Variants in CFAP46 observed in about 807,000 individuals in gnomAD.
CFAP46 encodes cilia and flagella associated protein 46.
Under a neutral mutation model 325.7 loss-of-function variants are expected in CFAP46, and 245 were observed. That is an observed-to-expected ratio of 0.75 (90% CI 0.68 to 0.84). The LOEUF is 0.84. Among genes scored for constraint, CFAP46 ranks in the 40% least tolerant of loss-of-function variants. The probability of loss-of-function intolerance (pLI) is 0.00; values close to 1 mark genes in which losing one functional copy is unlikely to be tolerated. For synonymous variants in CFAP46, 1,523 were observed against 1,495.9 expected, an observed-to-expected ratio of 1.02 and a Z score of -0.42; for missense variants, 3,346 against 3,543.0, an observed-to-expected ratio of 0.94 and a Z score of 1.41.
At position 132,847,016 on chromosome 10, in the gene CFAP46, G is replaced by A. The variant is rs538870018; in HGVS notation, c.6183C>T (p.Val2061=). 37 of 1,610,830 alleles carry A rather than the reference G, an allele frequency of 2.3e-5. No individual in the cohort carries two copies. The highest frequency in any genetic ancestry group is 2.0e-4 in the Middle Eastern group (1 of 5,034). ...QVALGSGLLD[V]AAAASLEMVE... is the part of the protein sequence containing the mutation. Reference sequence around the variant, plus strand: ...CCATCTCCAGGCTGGCGGCTGCTGCGACATCCAGGAGGCCACTGCCAAGGG... The same window carrying A: ...CCATCTCCAGGCTGGCGGCTGCTGCAACATCCAGGAGGCCACTGCCAAGGG... The change falls in exon 43 of 58, where the codon GTC becomes GTT. Residue 2061 remains valine, a synonymous_variant. Transcript: ENST00000368586. This position sits in a 1 kb window ranked among gnomAD's most constrained non-coding sequence, Gnocchi z 5.2.
intron 9 of CFAP46, among the ~76,000 whole-genome samples, chr10:132,927,674 T>G (rs1347245636): frequency 1.3e-5 from 2 of 152,240 alleles, no homozygotes; most frequent in Non-Finnish European, 2.9e-5. Flanking sequence ...TAAAACTCTT[T>G]ATGTGGTCCC....
rs144962767 is a variant in CFAP46, at chr10:132,923,232, G to A, written c.1257-524C>T. ...GGGGTGCCCCGGACGCCCTGGCCTC[G>A]AGCAGCCATGTGGGGGTGCCCTGGA... On this transcript the variant is annotated intron_variant, in intron 11 of 57. Transcript: ENST00000368586. Among the ~76,000 whole-genome samples the A allele has an allele frequency of 5.7e-3, 816 of 142,104 alleles. 13 individuals carry two copies. Among genetic ancestry groups the A allele is most frequent in the African/African-American group, 0.013 (468 of 36,232 alleles). 93.2% of individuals were successfully genotyped at this position (142,104 alleles called of 152,430 possible).
chr10:132,906,410 G>A (rs1432797237), intron 22 of CFAP46, among the ~76,000 whole-genome samples: 2 of 152,260 alleles, frequency 1.3e-5, no homozygotes, highest in Non-Finnish European at 2.9e-5. Context: ...CTAGAGCCTG[G>A]GAACAGTAGT....
chr10:132,892,187 G>T, intron 25 of CFAP46, 146 bp downstream of exon 25: 1 of 678,934 alleles, frequency 1.5e-6, no homozygotes, highest in Non-Finnish European at 2.5e-6. Context: ...GCATGCATCA[G>T]ATGCTGAACA....
At chr10:132,853,073 G>A (rs1228811770) in intron 39 of CFAP46, among the ~76,000 whole-genome samples, 1 of 138,284 alleles carries the variant, frequency 7.2e-6, no homozygotes, top group African/African-American at 2.5e-5. Context: ...CCATAGGCCG[G>A]AACTCCCATG....
chr10:132,858,310 C>T (rs1205942607), intron 38 of CFAP46, among the ~76,000 whole-genome samples: 2 of 90,762 alleles, frequency 2.2e-5, no homozygotes, highest in Non-Finnish European at 2.2e-5. Flanking sequence ...GGGAGGTGGG[C>T]GGGGCCATGG....
At chr10:132,842,705 C>G (rs2082651946) in intron 44 of CFAP46, among the ~76,000 whole-genome samples, 1 of 152,188 alleles carries the variant, frequency 6.6e-6, no homozygotes, top group African/African-American at 2.4e-5. Flanking sequence ...TTATTTCTTA[C>G]AGTTCTGGAG....
chr10:132,810,789 A>G, intron 56 of CFAP46, 161 bp downstream of exon 56: 1 of 773,416 alleles, frequency 1.3e-6, no homozygotes, highest in Non-Finnish European at 2.2e-6. Flanking sequence ...CCCCATGCAC[A>G]GCCACACCTC....
In CFAP46 at chr10:132,892,742, G is replaced by A. The variant is rs542022988; in HGVS notation, c.3220-325C>T. Among the ~76,000 whole-genome samples, 4 of 152,274 alleles carry A rather than the reference G, an allele frequency of 2.6e-5. No homozygotes were observed. The South Asian group carries it at 8.3e-4, about 32-fold the overall frequency. On this transcript the variant is annotated intron_variant, in intron 24 of 57. Coordinates refer to ENST00000368586, the MANE Select transcript of CFAP46 (RefSeq NM_001200049.3). Reference sequence around the variant, plus strand: ...GTGCACGTTCAGCGCCGCTTGAATCGATGCTTCCGGATTACAACCGTCAAA... The same window carrying A: ...GTGCACGTTCAGCGCCGCTTGAATCAATGCTTCCGGATTACAACCGTCAAA...
rs1260774894 is a variant in CFAP46, at chr10:132,869,408, C to T, written c.4512-36G>A. On this transcript the variant is annotated intron_variant, in intron 32 of 57. Transcript: ENST00000368586. The surrounding 1 kb of genome is among the most constrained non-coding windows in gnomAD (Gnocchi z 6.2). ...TGTGGCCGAAAGAGTCAGTGTTGCA[C>T]GGGCGCAGAGGGAGCCAGAAACGAA... The T allele has an allele frequency of 2.9e-5, 43 of 1,473,914 alleles. No individual in the cohort carries two copies. The Admixed American group carries it at 3.9e-4, about 13-fold the overall frequency. 91.3% of individuals were successfully genotyped at this position (1,473,914 alleles called of 1,614,324 possible).
At chr10:132,833,137 G>C (rs574547450) in intron 50 of CFAP46, among the ~76,000 whole-genome samples, 1 of 151,620 alleles carries the variant, frequency 6.6e-6, no homozygotes, top group Non-Finnish European at 1.5e-5. Flanking sequence ...ACCATGCCCA[G>C]CTAATTTTAA....
rs972458625 is a variant in CFAP46 at position 132,909,928 on chromosome 10, G to A, written c.2640C>T (p.Thr880=). 21 of 1,472,656 alleles carry A rather than the reference G, an allele frequency of 1.4e-5. No individual in the cohort carries two copies. The highest frequency in any genetic ancestry group is 5.3e-5 in the East Asian group (2 of 38,038). The allele number at this position is 1,472,656 out of a possible 1,614,324, so 91.2% of individuals were successfully genotyped here. A position where few individuals can be genotyped will look rare whatever the true frequency, so the allele number is the denominator to read the frequency against. The change falls in exon 20 of 58, where the codon ACC becomes ACT. Residue 880 remains threonine (T), a synonymous_variant. Transcript: ENST00000368586. ...LQQQIGPRLG[T]EEQGTNEDVS... ...GGGCAGGGGCGCCCACCTGCTCCTC[G>A]GTGCCCAGCCGTGGCCCAATCTGCT...
chr10:132,864,041 C>A (rs368620897), intron 35 of CFAP46, among the ~76,000 whole-genome samples: 1 of 147,204 alleles, frequency 6.8e-6, no homozygotes, highest in Non-Finnish European at 1.5e-5. Context: ...TAGAGACCTG[C>A]ACACACCTGT....
chr10:132,916,899 A>G lies in CFAP46; in HGVS notation c.1987-217T>C, dbSNP rs116253532. 3.9e-3 allele frequency among the ~76,000 whole-genome samples: 597 copies of G among 152,294 alleles called. 4 individuals are homozygous for G. The highest frequency in any genetic ancestry group is 0.013 in the African/African-American group (550 of 41,554). On this transcript the variant is annotated intron_variant, in intron 16 of 57. Coordinates refer to ENST00000368586, the MANE Select transcript of CFAP46 (RefSeq NM_001200049.3). Reference sequence around the variant, plus strand: ...CAGACTCTCTCCACCCATTAGCACAAGGGTCAGGGAAGAGAAGGTCCTTCC... The same window carrying G: ...CAGACTCTCTCCACCCATTAGCACAGGGGTCAGGGAAGAGAAGGTCCTTCC...
chr10:132,922,742 G>A (rs530888611), intron 11 of CFAP46, 34 bp from the exon 12 acceptor site: 58 of 1,499,872 alleles, frequency 3.9e-5, no homozygotes, highest in African/African-American at 6.9e-5. Flanking sequence ...GGGCCCTGGC[G>A]GCGCTGCGCC....
At chr10:132,842,335 G>A (rs1377173728) in intron 44 of CFAP46, among the ~76,000 whole-genome samples, 1 of 152,178 alleles carries the variant, frequency 6.6e-6, no homozygotes, top group Non-Finnish European at 1.5e-5. Flanking sequence ...TTAATACCTT[G>A]CTCCACAGTT....
chr10:132,911,709 T>C (rs1179533408), intron 19 of CFAP46, among the ~76,000 whole-genome samples: 1 of 152,194 alleles, frequency 6.6e-6, no homozygotes, highest in African/African-American at 2.4e-5. Context: ...CCACATTCCA[T>C]GGGATAAATG....
At chr10:132,835,658 C>G (rs1466759200) in intron 46 of CFAP46, among the ~76,000 whole-genome samples, 2 of 152,126 alleles carry the variant, frequency 1.3e-5, no homozygotes, top group African/African-American at 4.8e-5. Flanking sequence ...GAAGCACACG[C>G]CCCGTCTACA....
At chr10:132,924,635 C>T in intron 11 of CFAP46, 61 bp downstream of exon 11, 1 of 1,377,622 alleles carries the variant, frequency 7.3e-7, no homozygotes, top group South Asian at 1.6e-5. Context: ...CCTTCTCCTC[C>T]TCTGTCTCCT....
Sources: allele counts gnomAD v4.1 joint callset (sites outside exome capture counted in the v4.1 genomes callset), GRCh38; gene constraint gnomAD v4.1.1; non-coding constraint Gnocchi (gnomAD v3.1); transcripts MANE v1.5; gene names NCBI Gene and HGNC (gene_info 2026-07-23, HGNC 2026-07-21).